WDR27: variants seen among roughly 807,000 people sequenced by gnomAD.
WDR27 encodes the protein WD repeat-containing protein 27.
Under a neutral mutation model 114.4 loss-of-function variants are expected in WDR27, and 100 were observed. That is an observed-to-expected ratio of 0.87 (90% CI 0.74 to 1.03). The LOEUF (loss-of-function observed/expected upper bound fraction) is 1.03. Ranked by LOEUF, WDR27 falls within the 50% of genes least tolerant of loss-of-function variation. The pLI is 0.00. For missense variants in WDR27, 1,129 were observed against 1,092.9 expected (o/e 1.03, Z -0.47); for synonymous variants, 449 against 423.1 (o/e 1.06, Z -0.75).
chr6:169,498,806 C>A (rs1790723816), intron 25 of WDR27, among the ~76,000 whole-genome samples: 1 of 152,036 alleles, frequency 6.6e-6, no homozygotes. Context: ...ATAGCAGTTG[C>A]CAGGGGTTAT....
At chr6:169,581,562 T>C (rs745604057) in intron 24 of WDR27, among the ~76,000 whole-genome samples, 6 of 152,152 alleles carry the variant, frequency 3.9e-5, no homozygotes, top group Non-Finnish European at 7.3e-5. Flanking sequence ...AGGACGTATG[T>C]CGCAGTATTA....
intron 22 of WDR27, among the ~76,000 whole-genome samples, chr6:169,610,830 GGGAGCT>G (rs949280300): frequency 6.6e-6 from 1 of 152,148 alleles, no homozygotes; most frequent in African/African-American, 2.4e-5. Flanking sequence ...ACTTGTAAGT[GGGAGCT>G]AAGCTGTGAG....
At chr6:169,531,642 C>T (rs539542536) in intron 25 of WDR27, among the ~76,000 whole-genome samples, 1 of 139,470 alleles carries the variant, frequency 7.2e-6, no homozygotes, top group African/African-American at 2.8e-5. Flanking sequence ...AATTCTGCAA[C>T]ATTAAACAGT....
intron 1 of WDR27, among the ~76,000 whole-genome samples, chr6:169,696,408 A>G (rs1210204855): frequency 6.6e-6 from 1 of 152,070 alleles, no homozygotes; most frequent in Non-Finnish European, 1.5e-5. Context: ...ACAAAATCTC[A>G]CACCTGTATA....
intron 2 of WDR27, 54 bp downstream of exon 2, chr6:169,688,761 CAT>C: frequency 1.4e-6 from 2 of 1,419,958 alleles, no homozygotes; most frequent in Non-Finnish European, 1.9e-6. Context: ...GCATCAAAGA[CAT>C]GGAGAGACAA....
chr6:169,655,363 C>T (rs1823836346), intron 13 of WDR27, among the ~76,000 whole-genome samples: 1 of 152,234 alleles, frequency 6.6e-6, no homozygotes, highest in South Asian at 2.1e-4. Flanking sequence ...GCAGCCCTCC[C>T]GGCTCCAGGG....
At chr6:169,546,326 C>T (rs113154427) in intron 25 of WDR27, among the ~76,000 whole-genome samples, 2,368 of 152,308 alleles carry the variant, frequency 0.016, 14 homozygotes, top group Non-Finnish European at 0.024. Context: ...TGTACAGCAG[C>T]GTTCACGGCA....
intron 25 of WDR27, among the ~76,000 whole-genome samples, chr6:169,569,716 T>C (rs1462137805): frequency 2.0e-5 from 3 of 152,354 alleles, no homozygotes; most frequent in East Asian, 1.9e-4. Flanking sequence ...CCTTAAAGCA[T>C]TGCAAATGCC....
chr6:169,458,154 A>G (rs73789953), intron 25 of WDR27, among the ~76,000 whole-genome samples: 2,667 of 152,256 alleles, frequency 0.018, 80 homozygotes, highest in African/African-American at 0.061. Context: ...ACTGTGGTTA[A>G]TTTTTGTCAA....
intron 2 of WDR27, among the ~76,000 whole-genome samples, chr6:169,680,246 T>A (rs959582514): frequency 1.3e-5 from 2 of 152,154 alleles, no homozygotes; most frequent in Admixed American, 6.5e-5. Flanking sequence ...CGTGGGTAGA[T>A]GTGTAAGATA....
chr6:169,646,831 G>A (rs1402890308), intron 16 of WDR27, among the ~76,000 whole-genome samples: 1 of 152,050 alleles, frequency 6.6e-6, no homozygotes, highest in Non-Finnish European at 1.5e-5. Context: ...CTGAAGGAAT[G>A]TTCAGTCTAT....
At chr6:169,539,317 T>C (rs904921935) in intron 25 of WDR27, among the ~76,000 whole-genome samples, 3 of 152,152 alleles carry the variant, frequency 2.0e-5, no homozygotes, top group Non-Finnish European at 2.9e-5. Context: ...CCATCACTTG[T>C]CCACAGTTAA....
At chr6:169,465,236 C>G in intron 25 of WDR27, among the ~76,000 whole-genome samples, 1 of 103,992 alleles carries the variant, frequency 9.6e-6, no homozygotes, top group East Asian at 3.6e-4. Flanking sequence ...CCAGCCTGGG[C>G]AACAAGAGCA....
At chr6:169,571,266 A>T (rs1801372709) in intron 25 of WDR27, among the ~76,000 whole-genome samples, 1 of 135,730 alleles carries the variant, frequency 7.4e-6, no homozygotes, top group African/African-American at 3.1e-5. Context: ...AAATTAAAAA[A>T]AAAATAAATA....
chr6:169,649,215 G>C lies in WDR27; in HGVS notation c.1542C>G (p.Ser514Arg), dbSNP rs771095651. The C allele has an allele frequency of 1.6e-5, 25 of 1,575,570 alleles. No individual in the cohort carries two copies. The highest frequency in any genetic ancestry group is 2.6e-6 in the Non-Finnish European group (3 of 1,159,766). Residue 514 changes from serine to arginine, a missense_variant, in exon 15 of 26, where the codon AGC becomes AGG. Ser to Arg is a moderately radical substitution (Grantham distance 110, BLOSUM62 -1). Transcript: ENST00000448612. ...TCACACACCGTGCGCAGCTGCTCCT[G>C]CTCCTTGAAGATCCTTTCCCCTCAC... Reference protein sequence around the residue: ...IKSEGKGSSRSRSSCAREAYP... With the variant: ...IKSEGKGSSRRRSSCAREAYP...
chr6:169,576,591 T>C (rs1043813774), intron 24 of WDR27, among the ~76,000 whole-genome samples: 3 of 151,844 alleles, frequency 2.0e-5, no homozygotes, highest in Admixed American at 6.6e-5. Context: ...TGAGACCCCA[T>C]CTCTATTAAA....
chr6:169,560,458 A>G (rs1179986336), intron 25 of WDR27, among the ~76,000 whole-genome samples: 1 of 152,256 alleles, frequency 6.6e-6, no homozygotes, highest in African/African-American at 2.4e-5. Flanking sequence ...GTGTGTGCAC[A>G]TGGCCCAGAC....
intron 8 of WDR27, 103 bp from the exon 9 acceptor site, chr6:169,662,527 C>A (rs1022249216): frequency 2.1e-6 from 3 of 1,439,214 alleles, no homozygotes; most frequent in African/African-American, 2.8e-5. Flanking sequence ...GAATGTGCAC[C>A]GTGGAGTCAC....
chr6:169,512,949 C>A (rs6929677), intron 25 of WDR27, among the ~76,000 whole-genome samples: 2 of 152,080 alleles, frequency 1.3e-5, no homozygotes, highest in African/African-American at 4.8e-5. Context: ...CTAAAGGAGA[C>A]GGACACTGCT....
Sources: allele counts gnomAD v4.1 joint callset (sites outside exome capture counted in the v4.1 genomes callset), GRCh38; gene constraint gnomAD v4.1.1; transcripts MANE v1.5; gene names NCBI Gene and HGNC (gene_info 2026-07-23, HGNC 2026-07-21).